Variants in SHC4 observed in about 807,000 individuals in gnomAD.
SHC4 encodes the protein SHC adaptor protein 4.
Under a neutral mutation model 69.4 loss-of-function variants are expected in SHC4, and 41 were observed. That is an observed-to-expected ratio of 0.59 (90% CI 0.46 to 0.77). The LOEUF (loss-of-function observed/expected upper bound fraction) is 0.77, where lower values mean the gene tolerates loss of function less well. SHC4 is among the 30% of genes least tolerant of loss of function. SHC4 has a pLI of 0.00. For synonymous variants in SHC4, 318 were observed against 299.3 expected (o/e 1.06, Z -0.64); for missense variants, 777 against 783.8 (o/e 0.99, Z 0.10).
chr15:48,874,777 A>AT lies in SHC4; in HGVS notation c.841-2636dup, dbSNP rs1899761658. 3.3e-5 allele frequency among the ~76,000 whole-genome samples: 5 copies of AT among 152,334 alleles called. No homozygotes were observed. The South Asian group carries it at 8.3e-4, about 25-fold the overall frequency. On this transcript the variant is annotated intron_variant, in intron 4 of 11. Coordinates refer to ENST00000332408, the MANE Select transcript of SHC4 (RefSeq NM_203349.4). ...AAGTAGCAAGTGACACTTAAGTTGC[A>AT]TCTGGTGGCAGGCTACATAGTGGCA...
intron 11 of SHC4, 80 bp from the exon 12 acceptor site, chr15:48,826,206 C>T (rs1898685171): frequency 1.5e-6 from 2 of 1,324,604 alleles, no homozygotes; most frequent in South Asian, 1.5e-5. Context: ...GGGGAAAATG[C>T]CAGATATATC....
intron 10 of SHC4, among the ~76,000 whole-genome samples, chr15:48,836,387 T>C (rs1404616883): frequency 6.6e-6 from 1 of 152,182 alleles, no homozygotes; most frequent in East Asian, 1.9e-4. Context: ...CAGAGGTCCC[T>C]AGCAGGTAGC....
chr15:48,917,243 TTGTGTG>T (rs3985853), intron 2 of SHC4, among the ~76,000 whole-genome samples: 23,328 of 136,962 alleles, frequency 0.17, 2,374 homozygotes, highest in East Asian at 0.39. Context: ...ACCTGATTTC[TTGTGTG>T]TGTGTGTGTG....
chr15:48,959,030 A>G (rs1157808545), intron 1 of SHC4, among the ~76,000 whole-genome samples: 1 of 152,220 alleles, frequency 6.6e-6, no homozygotes, highest in African/African-American at 2.4e-5. Flanking sequence ...TCAGCTATAT[A>G]ATTTATTCTA....
chr15:48,895,814 G>T (rs1023642759), intron 2 of SHC4, among the ~76,000 whole-genome samples: 2 of 152,214 alleles, frequency 1.3e-5, no homozygotes, highest in Admixed American at 1.3e-4. Context: ...CAGGCACAGT[G>T]GCTCATGCCT....
chr15:48,922,392 C>T lies in SHC4; in HGVS notation c.656+2487G>A, dbSNP rs188270095. ...TTCCTGCTGCTATAACAAAATACCCCAGACTGGGTAATGAATAAATAATAG... is the reference window on the plus strand; with the variant it reads ...TTCCTGCTGCTATAACAAAATACCCTAGACTGGGTAATGAATAAATAATAG... On this transcript the variant is annotated intron_variant, in intron 2 of 11. Transcript: ENST00000332408. Among the ~76,000 whole-genome samples the T allele has an allele frequency of 3.4e-3, 520 of 152,316 alleles. 4 individuals are homozygous for T. The highest frequency in any genetic ancestry group is 0.012 in the African/African-American group (505 of 41,564).
chr15:48,865,136 C>T (rs879478194), intron 6 of SHC4, among the ~76,000 whole-genome samples: 12 of 152,168 alleles, frequency 7.9e-5, no homozygotes, highest in Non-Finnish European at 1.6e-4. Context: ...TATGTTTCTC[C>T]CTCTTGCTAA....
Position 48,869,865 on chromosome 15 carries a change from C to T in SHC4, c.895-1996G>A, listed in dbSNP as rs142416105. Among the ~76,000 whole-genome samples the T allele has an allele frequency of 8.0e-3, 1,212 of 152,268 alleles. 22 individuals are homozygous for T. The highest frequency in any genetic ancestry group is 7.9e-3 in the Non-Finnish European group (540 of 68,018). ...GCTTTCTCACCAGCTTTAGAGAGCA[C>T]AGAGGTGCTCTCAATGCAGCAGGTA... On this transcript the variant is annotated intron_variant, in intron 5 of 11. Coordinates refer to ENST00000332408, the MANE Select transcript of SHC4 (RefSeq NM_203349.4).
chr15:48,933,129 T>C (rs1486897842), intron 1 of SHC4, among the ~76,000 whole-genome samples: 1 of 152,088 alleles, frequency 6.6e-6, no homozygotes, highest in Non-Finnish European at 1.5e-5. Flanking sequence ...TAGGACAAAC[T>C]TGGAACCATA....
At chr15:48,837,654 C>T (rs1898923195) in intron 10 of SHC4, among the ~76,000 whole-genome samples, 1 of 152,048 alleles carries the variant, frequency 6.6e-6, no homozygotes, top group Admixed American at 6.5e-5. Context: ...TAAGGAAGGC[C>T]AATCTAGATT....
chr15:48,908,975 G>A (rs1171475653), intron 2 of SHC4, among the ~76,000 whole-genome samples: 1 of 152,198 alleles, frequency 6.6e-6, no homozygotes, highest in East Asian at 1.9e-4. Flanking sequence ...TTGAAATCAA[G>A]TAATGTGATG....
At chr15:48,941,523 GT>G (rs1438910294) in intron 1 of SHC4, among the ~76,000 whole-genome samples, 3 of 152,134 alleles carry the variant, frequency 2.0e-5, no homozygotes, top group African/African-American at 7.2e-5. Context: ...ATTTGAGCAT[GT>G]TTATTGATAG....
At chr15:48,895,607 G>A (rs940477987) in intron 2 of SHC4, among the ~76,000 whole-genome samples, 1 of 152,064 alleles carries the variant, frequency 6.6e-6, no homozygotes, top group Non-Finnish European at 1.5e-5. Context: ...TGGAAGAAAC[G>A]AGCATCTGGA....
chr15:48,947,901 C>G (rs1010619045), intron 1 of SHC4: 1 of 152,218 alleles, frequency 6.6e-6, no homozygotes, highest in Non-Finnish European at 1.5e-5. Flanking sequence ...GGCATCTTCA[C>G]TCAGTCTTCA....
chr15:48,829,176 GT>G (rs1383334130), intron 11 of SHC4, among the ~76,000 whole-genome samples: 3 of 152,166 alleles, frequency 2.0e-5, no homozygotes, highest in African/African-American at 7.2e-5. Context: ...TCTGGAGAAT[GT>G]TTTGTGTGCA....
At chr15:48,952,949 A>G (rs761574735) in intron 1 of SHC4, among the ~76,000 whole-genome samples, 2 of 152,242 alleles carry the variant, frequency 1.3e-5, no homozygotes, top group Non-Finnish European at 2.9e-5. Context: ...TCGTTCTATT[A>G]TAAAGACACA....
At chr15:48,929,136 T>G (rs954965941) in intron 1 of SHC4, among the ~76,000 whole-genome samples, 4 of 152,140 alleles carry the variant, frequency 2.6e-5, no homozygotes, top group African/African-American at 7.2e-5. Context: ...TCCATTTCAC[T>G]TAAAAAACAC....
At chr15:48,911,741 T>A (rs1900512848) in intron 2 of SHC4, among the ~76,000 whole-genome samples, 1 of 152,208 alleles carries the variant, frequency 6.6e-6, no homozygotes, top group Non-Finnish European at 1.5e-5. Flanking sequence ...TTTCCAGGAT[T>A]TGTTTCAAGA....
intron 1 of SHC4, among the ~76,000 whole-genome samples, chr15:48,953,895 T>C (rs897236145): frequency 1.6e-4 from 25 of 152,138 alleles, no homozygotes; most frequent in Non-Finnish European, 3.2e-4. Flanking sequence ...CACAGGAATA[T>C]TGTTTGGGTG....
Sources: allele counts gnomAD v4.1 joint callset (sites outside exome capture counted in the v4.1 genomes callset), GRCh38; gene constraint gnomAD v4.1.1; transcripts MANE v1.5; gene names NCBI Gene and HGNC (gene_info 2026-07-23, HGNC 2026-07-21).